DMBT1: variants seen among roughly 807,000 people sequenced by gnomAD.
DMBT1 encodes deleted in malignant brain tumors 1, also known as scavenger receptor cysteine-rich domain-containing protein DMBT1.
DMBT1 carries 198 observed loss-of-function variants against 252.9 expected under a neutral mutation model. That is an observed-to-expected ratio of 0.78 (90% CI 0.70 to 0.88). The LOEUF (loss-of-function observed/expected upper bound fraction) is 0.88, where lower values mean the gene tolerates loss of function less well. DMBT1 is among the 40% of genes least tolerant of loss of function. DMBT1 has a pLI of 0.00. For missense variants in DMBT1, 2,432 were observed against 2,404.7 expected (o/e 1.01, Z -0.24); for synonymous variants, 990 against 942.7 (o/e 1.05, Z -0.92).
chr10:122,591,390 AT>A, intron 18 of DMBT1, 88 bp from the exon 19 acceptor site: 1 of 1,386,174 alleles, frequency 7.2e-7, no homozygotes, highest in East Asian at 2.4e-5. Context: ...AAGAATATTC[AT>A]GATGCTTGCC....
intron 10 of DMBT1, among the ~76,000 whole-genome samples, chr10:122,580,628 G>A (rs1591274379): frequency 3.3e-5 from 5 of 152,150 alleles, no homozygotes; most frequent in Admixed American, 2.6e-4. Context: ...TAGGTCAACC[G>A]GGTTACCCTG....
rs1219513740 is a variant in DMBT1, at chr10:122,586,113, G to A, written c.1513G>A (p.Gly505Ser). The A allele has an allele frequency of 1.3e-6, 2 of 1,588,998 alleles. 1 individual carries two copies. The highest frequency in any genetic ancestry group is 4.7e-5 in the East Asian group (2 of 42,746). Residue 505 changes from glycine (G) to serine (S), a missense_variant, in exon 16 of 56, where the codon GGC becomes AGC. Physicochemically the swap from Gly to Ser is moderately conservative, Grantham distance 56 (BLOSUM62 0). This residue lies in a region of DMBT1 where 1,264 missense variants were observed against 1,082.2 expected (regional missense o/e 1.17). Coordinates refer to ENST00000338354, the MANE Select transcript of DMBT1 (RefSeq NM_001377530.1). Reference protein sequence around the residue: ...RLVNGGDRCQGRVEVLYRGSW... With the variant: ...RLVNGGDRCQSRVEVLYRGSW... ...GGTGAATGGAGGTGACAGGTGTCAG[G>A]GCCGAGTGGAGGTCCTATACCGAGG...
In DMBT1 at chr10:122,643,218, C is replaced by T; in HGVS notation, c.7449C>T (p.Pro2483=). The part of the protein sequence containing the change: ...FRAFHFLNRF[P]SVYLRCKMVV... ...CCTTCCACTTCCTGAACCGCTTCCC[C>T]TCCGTGTACCTGCGTTGTAAAATGG... Residue 2483 remains proline, a synonymous_variant, in exon 56 of 56, where the codon CCC becomes CCT. Transcript: ENST00000338354. 1.2e-6 allele frequency: 2 copies of T among 1,613,978 alleles called. No homozygotes were observed. The highest frequency in any genetic ancestry group is 1.3e-5 in the African/African-American group (1 of 75,040).
chr10:122,599,133 G>A (rs765477547), intron 26 of DMBT1, 36 bp downstream of exon 26: 1 of 1,613,510 alleles, frequency 6.2e-7, no homozygotes, highest in African/African-American at 1.3e-5. Flanking sequence ...CTCTCTTGGG[G>A]TGGAGTTTGC....
At position 122,570,167 on chromosome 10, in the gene DMBT1, C is replaced by A. The variant is rs143618360; in HGVS notation, c.97C>A (p.Leu33Met). The change falls in exon 3 of 56, where the codon CTG becomes ATG. Residue 33 changes from leucine to methionine, a missense_variant. Physicochemically the swap from Leu to Met is conservative, Grantham distance 15 (BLOSUM62 2). Coordinates refer to ENST00000338354, the MANE Select transcript of DMBT1 (RefSeq NM_001377530.1). Reference sequence around the variant, plus strand: ...CTTCCTTTTCCACCTCGCAGCTTCACTGATTCCCTCGGAGGTGCCCTTGGA... The same window carrying A: ...CTTCCTTTTCCACCTCGCAGCTTCAATGATTCCCTCGGAGGTGCCCTTGGA... ...WIPRTTDYAS[L>M]IPSEVPLDPT... 2.8e-4 allele frequency: 447 copies of A among 1,593,370 alleles called. 3 individuals are homozygous for A. In the African/African-American group the frequency reaches 5.4e-3, roughly 19 times the overall value.
rs765603163 is a variant in DMBT1 at position 122,592,737 on chromosome 10, A to G, written c.2500+142A>G. On this transcript the variant is annotated intron_variant, in intron 20 of 55. Coordinates refer to ENST00000338354, the MANE Select transcript of DMBT1 (RefSeq NM_001377530.1). ...TAGTCTTGTTAGCTCTCTGCTAAGG[A>G]TCTGTATGAATTTTACTACAGGGCT... 3.4e-5 allele frequency: 49 copies of G among 1,421,358 alleles called. 7 individuals are homozygous for G. Among genetic ancestry groups the G allele is most frequent in the Non-Finnish European group, 3.9e-5 (42 of 1,065,100 alleles). The allele number at this position is 1,421,358 out of a possible 1,614,324, so 88.0% of individuals were successfully genotyped here.
At chr10:122,637,619 C>A (rs975149066) in intron 54 of DMBT1, among the ~76,000 whole-genome samples, 2 of 152,170 alleles carry the variant, frequency 1.3e-5, no homozygotes, top group Admixed American at 1.3e-4. Context: ...TTTTGCAGGG[C>A]CTGAAGCTTA....
In DMBT1 at chr10:122,573,735, T is replaced by C. The variant is rs1456648028; in HGVS notation, c.256T>C (p.Ser86Pro). ...VAEGSLIPSE[S>P]TLESTVAEGS... ...TGCAGGTTCTCTGATTCCCTCAGAGTCAACCCTGGAGTCAACTGTAGCAGA... is the reference window on the plus strand; with the variant it reads ...TGCAGGTTCTCTGATTCCCTCAGAGCCAACCCTGGAGTCAACTGTAGCAGA... Residue 86 changes from serine (S) to proline (P), a missense_variant, in exon 6 of 56, where the codon TCA becomes CCA. By Grantham distance (74) the Ser-to-Pro change is moderately conservative (BLOSUM62 -1). Coordinates refer to ENST00000338354, the MANE Select transcript of DMBT1 (RefSeq NM_001377530.1). 2 of 1,613,820 alleles carry C rather than the reference T, an allele frequency of 1.2e-6. No homozygotes were observed. Among genetic ancestry groups the C allele is most frequent in the Non-Finnish European group, 8.5e-7 (1 of 1,179,836 alleles).
In DMBT1 at chr10:122,599,030, C is replaced by T. The variant is rs932319737; in HGVS notation, c.3213C>T (p.Ser1071=). The T allele has an allele frequency of 6.2e-7, 1 of 1,613,778 alleles. No homozygotes were observed. Among genetic ancestry groups the T allele is most frequent in the Non-Finnish European group, 8.5e-7 (1 of 1,179,726 alleles). ...CAGGACACGAGTCTTACCTGTGGAG[C>T]TGCCCCCACAATGGCTGGCTCTCCC... ...RCSGHESYLW[S]CPHNGWLSHN... The change falls in exon 26 of 56, where the codon AGC becomes AGT. Residue 1071 remains serine (S), a synonymous_variant. Transcript: ENST00000338354.
At chr10:122,641,750 T>C (rs1426157799) in intron 55 of DMBT1, among the ~76,000 whole-genome samples, 2 of 152,192 alleles carry the variant, frequency 1.3e-5, no homozygotes, top group African/African-American at 4.8e-5. Context: ...TATATGACAA[T>C]GCAATTTGCT....
Position 122,643,178 on chromosome 10 carries a change from G to A in DMBT1, c.7409G>A (p.Arg2470His), listed in dbSNP as rs1844878903. ...TCCTCGCCATCTCTTCGCATTGCCC[G>A]CTTCCGGTTCAGGGCCTTCCACTTC... Reference protein sequence around the residue: ...PYSSPSLRIARFRFRAFHFLN... With the variant: ...PYSSPSLRIAHFRFRAFHFLN... The change falls in exon 56 of 56, where the codon CGC becomes CAC. Residue 2470 changes from arginine to histidine, a missense_variant. By Grantham distance (29) the Arg-to-His change is conservative. This residue lies in a region of DMBT1 where 1,162 missense variants were observed against 1,169.0 expected (regional missense o/e 0.99). Coordinates refer to ENST00000338354, the MANE Select transcript of DMBT1 (RefSeq NM_001377530.1). The A allele has an allele frequency of 1.9e-6, 3 of 1,613,922 alleles. No individual in the cohort carries two copies. Among genetic ancestry groups the A allele is most frequent in the Non-Finnish European group, 2.5e-6 (3 of 1,179,858 alleles).
chr10:122,585,407 T>A lies in DMBT1; in HGVS notation c.1459+98T>A, dbSNP rs559117329. The stretch of plus-strand genomic sequence containing the variant: ...GGATGAGGGTCAAGGTGGGCCCCTC[T>A]GTTTTTCATGTCCCTGTGGGTTGCA... On this transcript the variant is annotated intron_variant, in intron 15 of 55. Coordinates refer to ENST00000338354, the MANE Select transcript of DMBT1 (RefSeq NM_001377530.1). 239 of 1,410,768 alleles carry A rather than the reference T, an allele frequency of 1.7e-4. 8 individuals carry two copies. The African/African-American group carries it at 2.7e-3, about 16-fold the overall frequency. 87.4% of individuals were successfully genotyped at this position (1,410,768 alleles called of 1,614,324 possible).
intron 3 of DMBT1, among the ~76,000 whole-genome samples, 186 bp downstream of exon 3, chr10:122,570,395 G>T (rs968823998): frequency 6.6e-6 from 1 of 152,200 alleles, no homozygotes; most frequent in Non-Finnish European, 1.5e-5. Flanking sequence ...AAGTGAGACT[G>T]GGCTCCCCAA....
intron 46 of DMBT1, among the ~76,000 whole-genome samples, chr10:122,627,951 A>G (rs2098130060): frequency 6.6e-6 from 1 of 152,264 alleles, no homozygotes; most frequent in African/African-American, 2.4e-5. Flanking sequence ...GCTCAATGTC[A>G]TTAGCCGTCA....
chr10:122,633,007 G>T, intron 51 of DMBT1, 117 bp downstream of exon 51: 1 of 1,542,358 alleles, frequency 6.5e-7, no homozygotes, highest in Admixed American at 1.9e-5. Flanking sequence ...TGGTCTCCCT[G>T]CAAGAGTGCC....
intron 52 of DMBT1, 64 bp downstream of exon 52, chr10:122,633,405 G>A: frequency 6.4e-7 from 1 of 1,565,564 alleles, no homozygotes; most frequent in Non-Finnish European, 8.6e-7. Flanking sequence ...AATAAATGGT[G>A]CTTAAGTGTG....
At chr10:122,573,874 C>A in intron 6 of DMBT1, 112 bp downstream of exon 6, 3 of 1,332,800 alleles carry the variant, frequency 2.3e-6, no homozygotes, top group Non-Finnish European at 2.1e-6. Context: ...GCTTAGCTCC[C>A]ACGAGGGGCC....
At chr10:122,573,897 G>C in intron 6 of DMBT1, 135 bp downstream of exon 6, 6 of 1,109,078 alleles carry the variant, frequency 5.4e-6, no homozygotes, top group Middle Eastern at 2.0e-4. Context: ...TCCACAAAAG[G>C]CCTCAGGTCT....
intron 27 of DMBT1, 64 bp from the exon 28 acceptor site, chr10:122,600,927 C>A: frequency 1.5e-6 from 1 of 685,984 alleles, no homozygotes; most frequent in Non-Finnish European, 2.7e-6. Flanking sequence ...TCCCAGAGAA[C>A]CTTTTGTTCT....
Sources: allele counts gnomAD v4.1 joint callset (sites outside exome capture counted in the v4.1 genomes callset), GRCh38; gene constraint gnomAD v4.1.1; regional missense constraint gnomAD v4.1.1; transcripts MANE v1.5; gene names NCBI Gene and HGNC (gene_info 2026-07-23, HGNC 2026-07-21).